The following GRIK3 variants were observed in gnomAD, a reference collection of about 807,000 sequenced individuals.
GRIK3 encodes glutamate ionotropic receptor kainate type subunit 3, also known as glutamate receptor ionotropic, kainate 3.
Under a neutral mutation model 102.5 loss-of-function variants are expected in GRIK3, and 29 were observed. The ratio of observed to expected loss-of-function variants is 0.28; its 90% CI spans 0.21 to 0.39. The LOEUF is 0.39. GRIK3 is among the 10% of genes least tolerant of loss of function. The pLI is 1.00. For missense variants in GRIK3, 908 were observed against 1,252.4 expected, an observed-to-expected ratio of 0.73 and a Z score of 4.15; for synonymous variants, 511 against 504.9, an observed-to-expected ratio of 1.01 and a Z score of -0.16.
intron 11 of GRIK3, among the ~76,000 whole-genome samples, chr1:36,825,259 G>C (rs1280417527): frequency 1.3e-5 from 2 of 152,134 alleles, no homozygotes; most frequent in Non-Finnish European, 2.9e-5. Context: ...AATGTCCTGA[G>C]TCTGCTGCAC....
intron 1 of GRIK3, among the ~76,000 whole-genome samples, chr1:36,976,705 T>G (rs1642199850): frequency 6.6e-6 from 1 of 152,156 alleles, no homozygotes; most frequent in Non-Finnish European, 1.5e-5. Flanking sequence ...CTTGGATCTC[T>G]CCATCCTTCC....
intron 5 of GRIK3, among the ~76,000 whole-genome samples, chr1:36,868,446 G>T (rs1640809517): frequency 6.6e-6 from 1 of 152,226 alleles, no homozygotes; most frequent in Admixed American, 6.5e-5. Context: ...TCGCAGGGTG[G>T]CTCCTGAGCT....
intron 12 of GRIK3, among the ~76,000 whole-genome samples, chr1:36,818,931 G>A (rs1354893901): frequency 6.6e-6 from 1 of 152,184 alleles, no homozygotes; most frequent in Non-Finnish European, 1.5e-5. Context: ...CCTGCAGAGG[G>A]AGTGAGCACA....
chr1:36,884,973 T>C (rs780006176), intron 2 of GRIK3, among the ~76,000 whole-genome samples: 8 of 152,130 alleles, frequency 5.3e-5, no homozygotes, highest in Non-Finnish European at 1.0e-4. Context: ...ATGCAGAGGA[T>C]TGTAAGAGTG....
intron 9 of GRIK3, among the ~76,000 whole-genome samples, chr1:36,843,312 G>A (rs1034581523): frequency 1.3e-5 from 2 of 152,114 alleles, no homozygotes; most frequent in African/African-American, 4.8e-5. Context: ...TGATGGATGC[G>A]CTGAACTCCC....
intron 1 of GRIK3, among the ~76,000 whole-genome samples, chr1:36,972,781 C>A (rs55818947): frequency 0.024 from 3,704 of 152,228 alleles, 123 homozygotes; most frequent in African/African-American, 0.075. Flanking sequence ...AGTGACTCAC[C>A]CAATGTCCCT....
At position 36,872,200 on chromosome 1, in the gene GRIK3, C is replaced by T. The variant is rs751920003; in HGVS notation, c.720G>A (p.Gln240=). 7 of 1,597,320 alleles carry T rather than the reference C, an allele frequency of 4.4e-6. No homozygotes were observed. The East Asian group carries it at 1.6e-4, about 36-fold the overall frequency. Residue 240 remains glutamine, a synonymous_variant, in exon 4 of 16, where the codon CAG becomes CAA. Coordinates refer to ENST00000373091, the MANE Select transcript of GRIK3 (RefSeq NM_000831.4). The surrounding 1 kb of genome is among the most constrained non-coding windows in gnomAD (Gnocchi z 5.9). ...IFDCSHTMAA[Q]ILKQAMAMGM... ...AGCACTCACGCACCTGCTTGAGGAT[C>T]TGGGCCGCCATAGTGTGGCTGCAGT...
intron 2 of GRIK3, among the ~76,000 whole-genome samples, chr1:36,882,309 T>G (rs1490625140): frequency 6.6e-6 from 1 of 152,104 alleles, no homozygotes; most frequent in East Asian, 1.9e-4. Flanking sequence ...CTCAGGCAGG[T>G]GAGGCAGCAG....
intron 2 of GRIK3, among the ~76,000 whole-genome samples, chr1:36,887,638 C>T (rs1251326243): frequency 6.6e-6 from 1 of 151,638 alleles, no homozygotes; most frequent in African/African-American, 2.4e-5. Flanking sequence ...TGCCTGTAAT[C>T]CCAGCTACTT....
At chr1:36,993,794 T>C (rs1642387206) in intron 1 of GRIK3, among the ~76,000 whole-genome samples, 1 of 152,160 alleles carries the variant, frequency 6.6e-6, no homozygotes, top group South Asian at 2.1e-4. Flanking sequence ...GTGGCCCATA[T>C]CGAATAACTG....
chr1:37,014,748 C>A (rs897479667), intron 1 of GRIK3, among the ~76,000 whole-genome samples: 1 of 152,202 alleles, frequency 6.6e-6, no homozygotes, highest in African/African-American at 2.4e-5. Flanking sequence ...TTCACACCTG[C>A]CATTTTGACC....
At chr1:36,945,043 C>T (rs1641767513) in intron 1 of GRIK3, among the ~76,000 whole-genome samples, 2 of 152,194 alleles carry the variant, frequency 1.3e-5, no homozygotes, top group Non-Finnish European at 2.9e-5. Context: ...GCAGGTGTGC[C>T]CAGCTGGCTC....
rs1485531761 is a variant in GRIK3, at chr1:36,964,388, C to T, written c.115+69606G>A. Among the ~76,000 whole-genome samples, 4 of 152,204 alleles carry T rather than the reference C, an allele frequency of 2.6e-5. No individual in the cohort carries two copies. The East Asian group carries it at 5.8e-4, about 22-fold the overall frequency. ...AAGGGGAGGAAATCAGACCATGAGG[C>T]TCCATGACTCAGGGGTGGCCTCCAC... On this transcript the variant is annotated intron_variant, in intron 1 of 15. Coordinates refer to ENST00000373091, the MANE Select transcript of GRIK3 (RefSeq NM_000831.4).
chr1:36,862,216 A>G (rs1253332969), intron 5 of GRIK3, among the ~76,000 whole-genome samples: 1 of 152,202 alleles, frequency 6.6e-6, no homozygotes, highest in Non-Finnish European at 1.5e-5. Context: ...CAGTGACATT[A>G]CATGGCTAGC....
In GRIK3 at chr1:37,034,474, T is replaced by G. The variant is rs1642866186; in HGVS notation, c.-366A>C. On this transcript the variant is annotated 5_prime_UTR_variant, in exon 1 of 16. Coordinates refer to ENST00000373091, the MANE Select transcript of GRIK3 (RefSeq NM_000831.4). ...GCGGGCTGCACGCGTCTCCGGCCGC[T>G]CCTCCTCCAGCCGCCGCCGATGCTA... is the stretch of plus-strand genomic sequence containing the variant. Among the ~76,000 whole-genome samples, 1 of 150,254 alleles carries G rather than the reference T, an allele frequency of 6.7e-6. No homozygotes were observed. Among genetic ancestry groups the G allele is most frequent in the African/African-American group, 2.5e-5 (1 of 40,644 alleles).
Position 36,804,939 on chromosome 1 carries a change from C to T in GRIK3, c.2565+48G>A, listed in dbSNP as rs763884917. ...GGCACATACAGGAGTGAAATCAGCG[C>T]GAATCTCCATTTCCCATCCTGTGCA... On this transcript the variant is annotated intron_variant, in intron 15 of 15. Coordinates refer to ENST00000373091, the MANE Select transcript of GRIK3 (RefSeq NM_000831.4). 5.0e-6 allele frequency: 8 copies of T among 1,601,016 alleles called. No homozygotes were observed. The South Asian group carries it at 5.6e-5, about 11-fold the overall frequency.
intron 2 of GRIK3, among the ~76,000 whole-genome samples, chr1:36,883,420 C>A (rs1014933525): frequency 1.3e-5 from 2 of 152,164 alleles, no homozygotes; most frequent in Admixed American, 1.3e-4. Context: ...GAAACCCCAG[C>A]CCTTATGTCC....
rs1471555251 is a variant in GRIK3 at position 36,961,034 on chromosome 1, C to A, written c.116-69938G>T. Among the ~76,000 whole-genome samples, 3 of 152,364 alleles carry A rather than the reference C, an allele frequency of 2.0e-5. No homozygotes were observed. The South Asian group carries it at 6.2e-4, about 32-fold the overall frequency. On this transcript the variant is annotated intron_variant, in intron 1 of 15. Transcript: ENST00000373091. ...GCTAAAGCCACATACATGGAGACGA[C>A]CTGTCTTCAACTCTCATATCCCAGG... is the stretch of plus-strand genomic sequence containing the variant.
In GRIK3 at chr1:36,850,259, C is replaced by T; in HGVS notation, c.1326+52G>A. 1 of 1,199,430 alleles carries T rather than the reference C, an allele frequency of 8.3e-7. No homozygotes were observed. Among genetic ancestry groups the T allele is most frequent in the Non-Finnish European group, 1.2e-6 (1 of 801,890 alleles). 74.3% of individuals were successfully genotyped at this position (1,199,430 alleles called of 1,614,324 possible). A position where few individuals can be genotyped will look rare whatever the true frequency, so the allele number is the denominator to read the frequency against. On this transcript the variant is annotated intron_variant, in intron 9 of 15. Coordinates refer to ENST00000373091, the MANE Select transcript of GRIK3 (RefSeq NM_000831.4). This position sits in a 1 kb window ranked among gnomAD's most constrained non-coding sequence, Gnocchi z 4.0. ...GAGGGGACTCTCCAGCCCGAACGGC[C>T]ACCCCACCCCCAGGTCGGACAGTCC... is the stretch of plus-strand genomic sequence containing the variant.
Sources: gnomAD v4.1 joint callset for allele counts (sites outside exome capture counted in the v4.1 genomes callset) on GRCh38, gnomAD v4.1.1 for gene constraint, Gnocchi (gnomAD v3.1) non-coding constraint, MANE v1.5 for transcripts, NCBI Gene and HGNC (gene_info 2026-07-23, HGNC 2026-07-21) for gene names.